ROBO2: variants seen among roughly 807,000 people sequenced by gnomAD.
The protein encoded by ROBO2 is roundabout guidance receptor 2, also known as roundabout homolog 2.
In ROBO2, 53 loss-of-function variants were observed where a neutral mutation model predicts 160.8. That is an observed-to-expected ratio of 0.33 (90% CI 0.26 to 0.41). ROBO2 has a LOEUF of 0.41. Among genes scored for constraint, ROBO2 ranks in the 10% least tolerant of loss-of-function variants. The probability of loss-of-function intolerance (pLI) is 1.00; values close to 1 mark genes in which losing one functional copy is unlikely to be tolerated. For missense variants in ROBO2, 1,577 were observed against 1,722.4 expected (o/e 0.92, Z 1.49); for synonymous variants, 664 against 611.7 (o/e 1.09, Z -1.26).
chr3:76,618,872 A>T (rs2109208280), intron 2 of ROBO2, among the ~76,000 whole-genome samples: 1 of 151,904 alleles, frequency 6.6e-6, no homozygotes, highest in African/African-American at 2.4e-5. Flanking sequence ...GAATAGATTG[A>T]TAGGAGAGCC....
intron 2 of ROBO2, among the ~76,000 whole-genome samples, chr3:76,316,581 A>G (rs1334189710): frequency 6.6e-6 from 1 of 152,168 alleles, no homozygotes; most frequent in Non-Finnish European, 1.5e-5. Context: ...ATGTTTTACA[A>G]TCAATTTGTA....
intron 2 of ROBO2, among the ~76,000 whole-genome samples, chr3:77,455,409 A>G (rs2081527366): frequency 6.6e-6 from 1 of 152,180 alleles, no homozygotes; most frequent in Non-Finnish European, 1.5e-5. Flanking sequence ...GCAAAACAGA[A>G]GTCCGAAATT....
chr3:76,085,136 C>T lies in ROBO2; in HGVS notation c.109+147534C>T, dbSNP rs183461307. 5.4e-3 allele frequency among the ~76,000 whole-genome samples: 827 copies of T among 151,914 alleles called. 3 individuals carry two copies. Among genetic ancestry groups the T allele is most frequent in the Non-Finnish European group, 7.9e-3 (537 of 67,948 alleles). ...ATATATACACACACACACACACACA[C>T]ACACATACGTATATACATATATGAT... On this transcript the variant is annotated intron_variant, in intron 2 of 26. Coordinates refer to the ROBO2 transcript ENST00000487694.
chr3:76,083,358 A>G (rs1319232630), intron 2 of ROBO2, among the ~76,000 whole-genome samples: 2 of 152,134 alleles, frequency 1.3e-5, no homozygotes, highest in Admixed American at 6.6e-5. Flanking sequence ...TAAAATGATA[A>G]TATTTTTAAA....
At chr3:76,798,308 G>GAAAGAAAGAAAGAAAGAAAGAAAGAAAGA (rs1386837917) in intron 2 of ROBO2, among the ~76,000 whole-genome samples, 1 of 149,348 alleles carries the variant, frequency 6.7e-6, no homozygotes, top group African/African-American at 2.5e-5. Context: ...AAGAAAGAAA[G>GAAAGAAAGAAAGAAAGAAAGAAAGAAAGA]AAAGAAAAAA....
intron 2 of ROBO2, among the ~76,000 whole-genome samples, chr3:76,017,135 T>A (rs543892213): frequency 2.6e-4 from 39 of 152,304 alleles, no homozygotes; most frequent in African/African-American, 8.2e-4. Context: ...ACTACAACAA[T>A]TTGTTTTATA....
chr3:76,834,239 A>G (rs2067463895), intron 2 of ROBO2, among the ~76,000 whole-genome samples: 2 of 141,864 alleles, frequency 1.4e-5, no homozygotes, highest in Admixed American at 7.2e-5. Flanking sequence ...AGGTCTTACT[A>G]TGTCACCCAA....
chr3:76,852,606 AAG>A (rs1472403338), intron 2 of ROBO2, among the ~76,000 whole-genome samples: 1 of 152,162 alleles, frequency 6.6e-6, no homozygotes, highest in African/African-American at 2.4e-5. Flanking sequence ...CAAGTATTTT[AAG>A]AGAGAGAAAA....
At chr3:76,968,197 TTAATG>T (rs1235231824) in intron 2 of ROBO2, among the ~76,000 whole-genome samples, 5 of 152,300 alleles carry the variant, frequency 3.3e-5, no homozygotes, top group South Asian at 2.1e-4. Flanking sequence ...CCATTGGAAA[TTAATG>T]TAAGATAAAT....
intron 2 of ROBO2, among the ~76,000 whole-genome samples, chr3:77,271,269 T>G (rs926483166): frequency 2.0e-5 from 3 of 152,182 alleles, no homozygotes; most frequent in Non-Finnish European, 4.4e-5. Flanking sequence ...TACCTGAGGA[T>G]TTTTCATGTT....
intron 2 of ROBO2, among the ~76,000 whole-genome samples, chr3:76,618,170 C>CT (rs1362220762): frequency 7.3e-5 from 11 of 151,596 alleles, no homozygotes; most frequent in African/African-American, 2.7e-4. Flanking sequence ...TTGCAATCAG[C>CT]TTGACCCAGC....
chr3:77,128,892 C>T (rs1384190265), intron 2 of ROBO2, among the ~76,000 whole-genome samples: 1 of 152,200 alleles, frequency 6.6e-6, no homozygotes, highest in African/African-American at 2.4e-5. Context: ...CAAAAAATAT[C>T]TGAAAATTCA....
chr3:75,966,532 T>G (rs1949122017), intron 2 of ROBO2, among the ~76,000 whole-genome samples: 1 of 151,746 alleles, frequency 6.6e-6, no homozygotes, highest in Non-Finnish European at 1.5e-5. Context: ...ACTGTGGTGC[T>G]GCCATGCTTG....
chr3:77,171,059 CTGT>C (rs2079587163), intron 2 of ROBO2, among the ~76,000 whole-genome samples: 1 of 152,210 alleles, frequency 6.6e-6, no homozygotes, highest in South Asian at 2.1e-4. Flanking sequence ...GATTCTTGAG[CTGT>C]TGTTTACTGG....
intron 2 of ROBO2, among the ~76,000 whole-genome samples, chr3:76,533,716 C>T (rs748122009): frequency 4.3e-4 from 65 of 152,092 alleles, no homozygotes; most frequent in South Asian, 8.3e-4. Context: ...TTATAGGGCT[C>T]GGGTAGGCAG....
intron 2 of ROBO2, among the ~76,000 whole-genome samples, chr3:75,992,120 A>T (rs934676793): frequency 6.6e-6 from 1 of 152,198 alleles, no homozygotes; most frequent in African/African-American, 2.4e-5. Context: ...CCATTTTCTG[A>T]GGAGAAATTC....
intron 2 of ROBO2, among the ~76,000 whole-genome samples, chr3:77,282,796 G>A (rs921573986): frequency 6.6e-6 from 1 of 151,748 alleles, no homozygotes; most frequent in Non-Finnish European, 1.5e-5. Flanking sequence ...GAAAAATTGG[G>A]GGTCTAATCA....
chr3:77,319,679 C>G (rs896929084), intron 2 of ROBO2, among the ~76,000 whole-genome samples: 3 of 152,142 alleles, frequency 2.0e-5, no homozygotes, highest in African/African-American at 4.8e-5. Context: ...ATAGAACATG[C>G]CTTTTTTCAT....
chr3:77,450,256 C>T (rs1312216102), intron 2 of ROBO2, among the ~76,000 whole-genome samples: 2 of 152,076 alleles, frequency 1.3e-5, no homozygotes, highest in Admixed American at 6.6e-5. Flanking sequence ...TGAGACACTA[C>T]ACTACTTGTT....
Sources: allele counts gnomAD v4.1 joint callset (sites outside exome capture counted in the v4.1 genomes callset), GRCh38; gene constraint gnomAD v4.1.1; transcripts MANE v1.5; gene names NCBI Gene and HGNC (gene_info 2026-07-23, HGNC 2026-07-21).